HMCN1: variants seen among roughly 807,000 people sequenced by gnomAD.
HMCN1 encodes hemicentin-1.
A neutral mutation model predicts 625.9 loss-of-function variants in HMCN1; 321 were observed. The observed-to-expected ratio is 0.51, with a 90% CI of 0.47 to 0.56. The LOEUF (loss-of-function observed/expected upper bound fraction) is 0.56. HMCN1 is among the 20% of genes least tolerant of loss of function. The pLI, the probability that HMCN1 is intolerant of heterozygous loss-of-function variation, is 0.00. For synonymous variants in HMCN1, 2,425 were observed against 2,417.6 expected (o/e 1.00, Z -0.09); for missense variants, 6,588 against 6,887.3 (o/e 0.96, Z 1.54).
intron 22 of HMCN1, among the ~76,000 whole-genome samples, chr1:185,991,609 C>A (rs1652428457): frequency 6.6e-6 from 1 of 152,072 alleles, no homozygotes; most frequent in Non-Finnish European, 1.5e-5. Flanking sequence ...TACTATTATA[C>A]AAAGGGATTC....
At chr1:186,160,397 G>A (rs1176551189) in intron 97 of HMCN1, among the ~76,000 whole-genome samples, 2 of 147,276 alleles carry the variant, frequency 1.4e-5, no homozygotes, top group East Asian at 2.0e-4. Flanking sequence ...ATTTTTTGAA[G>A]GGTTTTTTGT....
chr1:186,003,609 A>G (rs956185518), intron 28 of HMCN1, 109 bp from the exon 29 acceptor site: 45 of 1,000,762 alleles, frequency 4.5e-5, no homozygotes, highest in Non-Finnish European at 5.9e-5. Flanking sequence ...TTTATTTTTG[A>G]CATTAAGATC....
chr1:186,067,861 G>A lies in HMCN1; in HGVS notation c.7733G>A (p.Ser2578Asn), dbSNP rs373729512. Reference sequence around the variant, plus strand: ...TCTCCTACAATTGCTGGTGTAGGTAGTGATGGCAACCCTGAAGATGTCACT... The same window carrying A: ...TCTCCTACAATTGCTGGTGTAGGTAATGATGGCAACCCTGAAGATGTCACT... ...FVSPTIAGVG[S>N]DGNPEDVTVI... The change falls in exon 50 of 107, where the codon AGT becomes AAT. Residue 2578 changes from serine to asparagine, a missense_variant. Coordinates refer to ENST00000271588, the MANE Select transcript of HMCN1 (RefSeq NM_031935.3). 8.7e-6 allele frequency: 14 copies of A among 1,612,956 alleles called. No individual in the cohort carries two copies. The highest frequency in any genetic ancestry group is 6.7e-5 in the African/African-American group (5 of 74,856).
Position 186,087,562 on chromosome 1 carries a change from T to C in HMCN1, c.9280T>C (p.Tyr3094His). 6.2e-7 allele frequency: 1 copy of C among 1,613,324 alleles called. No individual in the cohort carries two copies. Among genetic ancestry groups the C allele is most frequent in the Non-Finnish European group, 8.5e-7 (1 of 1,179,480 alleles). ...TGTGCCACCTCCAGTCATCACTTGG[T>C]ATAAGAATGGGCGGATGATAACAGA... The part of the protein sequence containing the change: ...NAVPPPVITW[Y>H]KNGRMITEST... The change falls in exon 60 of 107, where the codon TAT becomes CAT. Residue 3094 changes from tyrosine to histidine, a missense_variant. By Grantham distance (83) the Tyr-to-His change is moderately conservative. This residue lies in a region of HMCN1 where 4,628 missense variants were observed against 4,853.1 expected (regional missense o/e 0.95). Transcript: ENST00000271588.
Position 185,766,777 on chromosome 1 carries a change from T to C in HMCN1, c.268+31730T>C, listed in dbSNP as rs530854608. Among the ~76,000 whole-genome samples, 3 of 151,506 alleles carry C rather than the reference T, an allele frequency of 2.0e-5. No individual in the cohort carries two copies. In the South Asian group the frequency reaches 6.3e-4, roughly 32 times the overall value. On this transcript the variant is annotated intron_variant, in intron 1 of 106. Transcript: ENST00000271588. ...TAGTTCCATGAATAACTTGGGCAAA[T>C]CACGGTCAAATTTAAGCAAGCATAC...
chr1:186,159,544 T>C (rs1366808161), intron 97 of HMCN1, among the ~76,000 whole-genome samples: 1 of 152,202 alleles, frequency 6.6e-6, no homozygotes, highest in East Asian at 1.9e-4. Flanking sequence ...CAGTATGGTA[T>C]TGGCTGTGGG....
At position 185,811,769 on chromosome 1, in the gene HMCN1, C is replaced by T. The variant is rs1284363672; in HGVS notation, c.269-34257C>T. The stretch of plus-strand genomic sequence containing the variant: ...ACATATGTATATACATAGGCATGTG[C>T]CTTCATTGGATTGTTTTAGCAAAAA... On this transcript the variant is annotated intron_variant, in intron 1 of 106. Transcript: ENST00000271588. Among the ~76,000 whole-genome samples the T allele has an allele frequency of 3.3e-5, 5 of 150,756 alleles. No individual in the cohort carries two copies. In the South Asian group the frequency reaches 1.0e-3, roughly 31 times the overall value.
At chr1:185,847,250 G>A (rs898582155) in intron 2 of HMCN1, among the ~76,000 whole-genome samples, 6 of 151,904 alleles carry the variant, frequency 3.9e-5, no homozygotes, top group Non-Finnish European at 7.4e-5. Context: ...GCTTATCCAC[G>A]AGTGGCCAAA....
At position 185,777,693 on chromosome 1, in the gene HMCN1, G is replaced by A. The variant is rs543473752; in HGVS notation, c.268+42646G>A. 8.6e-4 allele frequency among the ~76,000 whole-genome samples: 131 copies of A among 152,156 alleles called. 1 individual carries two copies. The highest frequency in any genetic ancestry group is 3.4e-3 in the Middle Eastern group (1 of 294). ...TCTCGATCTCTCGACCTGGTGATCC[G>A]CCCGCCTCAGCTTCCTGCTGGGATT... is the stretch of plus-strand genomic sequence containing the variant. On this transcript the variant is annotated intron_variant, in intron 1 of 106. Transcript: ENST00000271588.
Position 185,929,079 on chromosome 1 carries a change from T to C in HMCN1, c.1552+412T>C, listed in dbSNP as rs1379678170. On this transcript the variant is annotated intron_variant, in intron 10 of 106. Transcript: ENST00000271588. ...ATGAATAGTTTTTGAAATGATCATA[T>C]AGCATTTTCCCGTGAGAAAATAAAG... Among the ~76,000 whole-genome samples, 3 of 152,142 alleles carry C rather than the reference T, an allele frequency of 2.0e-5. No homozygotes were observed. The East Asian group carries it at 5.8e-4, about 29-fold the overall frequency.
intron 97 of HMCN1, among the ~76,000 whole-genome samples, chr1:186,164,128 A>C (rs933198465): frequency 6.6e-6 from 1 of 152,084 alleles, no homozygotes; most frequent in Non-Finnish European, 1.5e-5. Flanking sequence ...TGTCCCATCT[A>C]TCCTAGTACC....
In HMCN1 at chr1:186,136,701, C is replaced by A. The variant is rs758752400; in HGVS notation, c.13346C>A (p.Thr4449Asn). 2.5e-6 allele frequency: 4 copies of A among 1,613,894 alleles called. No individual in the cohort carries two copies. Among genetic ancestry groups the A allele is most frequent in the Non-Finnish European group, 3.4e-6 (4 of 1,179,878 alleles). The change falls in exon 87 of 107, where the codon ACT (threonine) becomes AAT (asparagine). Residue 4449 changes from threonine (T) to asparagine (N), a missense_variant. Physicochemically the swap from Thr to Asn is moderately conservative, Grantham distance 65. Around this residue, in one of 3 missense-constraint regions of HMCN1, gnomAD observed 1,954 missense variants for 2,013.1 expected, o/e 0.97. Transcript: ENST00000271588. ...ATTATCACTCTTGAGCCAGTGGAAA[C>A]TGTTATTAATGCTGGTGGCAAAATC... The part of the protein sequence containing the change: ...PPIITLEPVE[T>N]VINAGGKIIL...
chr1:185,809,117 T>C (rs1659350931), intron 1 of HMCN1, among the ~76,000 whole-genome samples: 1 of 152,166 alleles, frequency 6.6e-6, no homozygotes. Flanking sequence ...TATTAACGTC[T>C]CTTTCATTCC....
At chr1:186,038,763 A>T in intron 37 of HMCN1, 66 bp from the exon 38 acceptor site, 1 of 882,540 alleles carries the variant, frequency 1.1e-6, no homozygotes. Flanking sequence ...CTTAGCTAAG[A>T]TCCAACTTAG....
At chr1:185,775,687 CTAAT>C (rs1427662620) in intron 1 of HMCN1, among the ~76,000 whole-genome samples, 2 of 152,118 alleles carry the variant, frequency 1.3e-5, no homozygotes, top group East Asian at 1.9e-4. Flanking sequence ...TTTGATGTAA[CTAAT>C]TGATTGTGAA....
intron 93 of HMCN1, among the ~76,000 whole-genome samples, chr1:186,146,990 GTAAATTAGTGGTCC>G (rs1650353947): frequency 6.6e-6 from 1 of 152,208 alleles, no homozygotes; most frequent in South Asian, 2.1e-4. Context: ...AGAGAGCTAA[GTAAATTAGTGGTCC>G]TAATACTCCT....
intron 103 of HMCN1, among the ~76,000 whole-genome samples, chr1:186,178,020 G>A (rs1322536469): frequency 3.9e-5 from 6 of 152,088 alleles, no homozygotes; most frequent in Non-Finnish European, 4.4e-5. Flanking sequence ...GTGTAAAAAT[G>A]TATACCAAAG....
intron 97 of HMCN1, among the ~76,000 whole-genome samples, chr1:186,164,807 T>A (rs1294724195): frequency 6.6e-6 from 1 of 152,262 alleles, no homozygotes; most frequent in Admixed American, 6.5e-5. Context: ...CCCATGGTTA[T>A]GCCTGGCATA....
At chr1:186,089,500 C>T (rs1158301768) in intron 63 of HMCN1, among the ~76,000 whole-genome samples, 1 of 151,952 alleles carries the variant, frequency 6.6e-6, no homozygotes, top group Non-Finnish European at 1.5e-5. Context: ...GAATTAAGTT[C>T]ACAGGTATCA....
Sources: allele counts gnomAD v4.1 joint callset (sites outside exome capture counted in the v4.1 genomes callset), GRCh38; gene constraint gnomAD v4.1.1; regional missense constraint gnomAD v4.1.1; transcripts MANE v1.5; gene names NCBI Gene and HGNC (gene_info 2026-07-23, HGNC 2026-07-21).